Variants in PHACTR3 observed in about 807,000 individuals in gnomAD.
PHACTR3 encodes the protein protein phosphatase 1, regulatory subunit 123.
A neutral mutation model predicts 66.8 loss-of-function variants in PHACTR3; 16 were observed. The ratio of observed to expected loss-of-function variants is 0.24; its 90% confidence interval spans 0.16 to 0.36. PHACTR3 has a LOEUF of 0.36. PHACTR3 is among the 10% of genes least tolerant of loss of function. The pLI is 1.00. For synonymous variants in PHACTR3, 323 were observed against 292.1 expected (o/e 1.11, Z -1.08); for missense variants, 647 against 719.9 (o/e 0.90, Z 1.16).
intron 4 of PHACTR3, among the ~76,000 whole-genome samples, chr20:59,756,554 G>C (rs893647083): frequency 2.0e-5 from 3 of 152,184 alleles, no homozygotes; most frequent in African/African-American, 7.2e-5. Context: ...GTTTCACTTG[G>C]CTTGGAATTT....
chr20:59,660,220 C>T (rs531441720), intron 1 of PHACTR3, among the ~76,000 whole-genome samples: 29 of 152,192 alleles, frequency 1.9e-4, no homozygotes, highest in African/African-American at 4.8e-4. Context: ...CTGGGCTGGG[C>T]GCAGTGGCTC....
intron 7 of PHACTR3, among the ~76,000 whole-genome samples, chr20:59,776,132 T>A (rs1184861559): frequency 6.6e-6 from 1 of 152,178 alleles, no homozygotes; most frequent in Non-Finnish European, 1.5e-5. Flanking sequence ...AAGAGGGAGA[T>A]GGGAACTGCT....
rs1231564704 is a variant in PHACTR3, at chr20:59,591,868, T to G, written c.109+14251T>G. On this transcript the variant is annotated intron_variant, in intron 1 of 12. Transcript: ENST00000359926. ...ATATATATGGTAAAAATATAAAGAA[T>G]ACAGTAGGATGTAAGGCAAAAATCA... 5.3e-5 allele frequency among the ~76,000 whole-genome samples: 8 copies of G among 152,096 alleles called. No individual in the cohort carries two copies. The East Asian group carries it at 1.5e-3, about 29-fold the overall frequency.
At chr20:59,679,654 A>G (rs1156579179) in intron 1 of PHACTR3, among the ~76,000 whole-genome samples, 1 of 152,146 alleles carries the variant, frequency 6.6e-6, no homozygotes, top group African/African-American at 2.4e-5. Context: ...TTATAAAGAA[A>G]AAGAGGCTTA....
chr20:59,704,091 T>G (rs376478768), intron 1 of PHACTR3, among the ~76,000 whole-genome samples: 1 of 152,170 alleles, frequency 6.6e-6, no homozygotes, highest in Admixed American at 6.5e-5. Context: ...CTGAACACTT[T>G]AAAGACTTTC....
chr20:59,591,217 G>A (rs997507866), intron 1 of PHACTR3, among the ~76,000 whole-genome samples: 9 of 152,236 alleles, frequency 5.9e-5, no homozygotes, highest in South Asian at 2.1e-4. Context: ...GGCCATTCTC[G>A]TCCCTCGCAC....
intron 1 of PHACTR3, among the ~76,000 whole-genome samples, chr20:59,729,912 C>T (rs761651249): frequency 2.0e-5 from 3 of 152,172 alleles, no homozygotes; most frequent in Admixed American, 1.3e-4. Context: ...ATTGAATTCA[C>T]GTTGGACCCG....
At chr20:59,832,024 T>C (rs776404847) in intron 8 of PHACTR3, among the ~76,000 whole-genome samples, 28 of 152,206 alleles carry the variant, frequency 1.8e-4, no homozygotes, top group Admixed American at 3.9e-4. Flanking sequence ...CTGTGATGCA[T>C]GCCTCTGCCT....
intron 1 of PHACTR3, among the ~76,000 whole-genome samples, chr20:59,714,626 C>T (rs971348734): frequency 6.6e-6 from 1 of 152,144 alleles, no homozygotes; most frequent in African/African-American, 2.4e-5. Context: ...AATCCTACCA[C>T]TTTGTTTTTT....
intron 1 of PHACTR3, among the ~76,000 whole-genome samples, chr20:59,656,491 A>G (rs988788184): frequency 6.6e-6 from 1 of 151,864 alleles, no homozygotes. Context: ...TTTGCATGCT[A>G]TATCTTTTTC....
chr20:59,592,110 C>T (rs1286212506), intron 1 of PHACTR3, among the ~76,000 whole-genome samples: 1 of 152,094 alleles, frequency 6.6e-6, no homozygotes. Flanking sequence ...TTTCTATTAA[C>T]AGTGTATCAC....
At chr20:59,586,965 T>C (rs2033048375) in intron 1 of PHACTR3, among the ~76,000 whole-genome samples, 1 of 152,252 alleles carries the variant, frequency 6.6e-6, no homozygotes, top group South Asian at 2.1e-4. Context: ...ATTTATATTA[T>C]ATCCCATTGG....
At chr20:59,586,338 A>T (rs73914196) in intron 1 of PHACTR3, among the ~76,000 whole-genome samples, 1 of 152,232 alleles carries the variant, frequency 6.6e-6, no homozygotes, top group South Asian at 2.1e-4. Flanking sequence ...AAACAGCTGT[A>T]TGAACTGCAC....
At chr20:59,671,138 T>C (rs1420740032) in intron 1 of PHACTR3, among the ~76,000 whole-genome samples, 2 of 152,196 alleles carry the variant, frequency 1.3e-5, no homozygotes, top group Non-Finnish European at 2.9e-5. Context: ...TAGCATCAAT[T>C]CCTGTCATGG....
intron 1 of PHACTR3, among the ~76,000 whole-genome samples, chr20:59,721,968 C>T (rs1249696667): frequency 1.3e-5 from 2 of 152,130 alleles, no homozygotes; most frequent in African/African-American, 2.4e-5. Flanking sequence ...GGGTGACTCA[C>T]GCCTGTAATC....
At chr20:59,658,748 G>T (rs141395894) in intron 1 of PHACTR3, among the ~76,000 whole-genome samples, 166 of 152,220 alleles carry the variant, frequency 1.1e-3, no homozygotes, top group Non-Finnish European at 1.9e-3. Flanking sequence ...TGTCCAGGGC[G>T]CATGCATTCC....
chr20:59,718,395 A>G (rs1290859199), intron 1 of PHACTR3, among the ~76,000 whole-genome samples: 1 of 152,182 alleles, frequency 6.6e-6, no homozygotes, highest in Non-Finnish European at 1.5e-5. Context: ...CAGATGCAGT[A>G]TCTGTGGCTG....
At chr20:59,789,556 T>A (rs918954106) in intron 7 of PHACTR3, among the ~76,000 whole-genome samples, 12 of 152,326 alleles carry the variant, frequency 7.9e-5, no homozygotes, top group African/African-American at 2.4e-4. Flanking sequence ...AAAATGGACC[T>A]GCAGTTATTA....
chr20:59,773,625 T>C (rs1469160536), intron 6 of PHACTR3, among the ~76,000 whole-genome samples, 172 bp downstream of exon 6: 1 of 152,232 alleles, frequency 6.6e-6, no homozygotes. Context: ...GCAGATTGCA[T>C]AGCTGATCTT....
Sources: gnomAD v4.1 joint callset for allele counts (sites outside exome capture counted in the v4.1 genomes callset) on GRCh38, gnomAD v4.1.1 for gene constraint, MANE v1.5 for transcripts, NCBI Gene and HGNC (gene_info 2026-07-23, HGNC 2026-07-21) for gene names.